LRP1B: variants seen among roughly 807,000 people sequenced by gnomAD.
LRP1B encodes low-density lipoprotein receptor-related protein 1B.
A neutral mutation model predicts 556.6 loss-of-function variants in LRP1B; 217 were observed. The ratio of observed to expected loss-of-function variants is 0.39; its 90% CI spans 0.35 to 0.44. The LOEUF (loss-of-function observed/expected upper bound fraction) is 0.44, where lower values mean the gene tolerates loss of function less well. LRP1B is among the 20% of genes least tolerant of loss of function. LRP1B has a pLI of 1.00. For missense variants in LRP1B, 5,053 were observed against 5,620.8 expected (o/e 0.90, Z 3.23); for synonymous variants, 2,047 against 1,865.8 (o/e 1.10, Z -2.50).
intron 3 of LRP1B, among the ~76,000 whole-genome samples, chr2:141,326,658 T>C (rs556182506): frequency 1.1e-4 from 16 of 152,248 alleles, no homozygotes; most frequent in African/African-American, 3.4e-4. Context: ...GGAATACTCC[T>C]CTCATGTAGT....
At chr2:141,235,936 T>C (rs1342635071) in intron 5 of LRP1B, among the ~76,000 whole-genome samples, 2 of 152,152 alleles carry the variant, frequency 1.3e-5, no homozygotes, top group Admixed American at 6.6e-5. Context: ...AATGTCAAGA[T>C]GATGAACTTA....
At chr2:141,147,265 T>C (rs1456856329) in intron 7 of LRP1B, among the ~76,000 whole-genome samples, 2 of 152,140 alleles carry the variant, frequency 1.3e-5, no homozygotes, top group Non-Finnish European at 2.9e-5. Context: ...TCAACATCCT[T>C]TACTGGCTCC....
chr2:140,347,516 T>C (rs1165673314), intron 77 of LRP1B, among the ~76,000 whole-genome samples: 1 of 151,842 alleles, frequency 6.6e-6, no homozygotes, highest in Non-Finnish European at 1.5e-5. Flanking sequence ...TTTTAGAATG[T>C]ACTTCATTTA....
intron 3 of LRP1B, among the ~76,000 whole-genome samples, chr2:141,341,113 C>A (rs1166242150): frequency 6.6e-6 from 1 of 152,128 alleles, no homozygotes; most frequent in Non-Finnish European, 1.5e-5. Context: ...CCATAGCTGT[C>A]ACTATGCATT....
intron 41 of LRP1B, among the ~76,000 whole-genome samples, chr2:140,678,833 A>G (rs1685764618): frequency 6.7e-6 from 1 of 148,858 alleles, no homozygotes; most frequent in Non-Finnish European, 1.5e-5. Context: ...GCTGGAGTGC[A>G]ATGGCATAGT....
chr2:140,291,318 A>ATATATATATATATATTTTTTT (rs369391920), intron 84 of LRP1B, among the ~76,000 whole-genome samples: 2 of 109,334 alleles, frequency 1.8e-5, no homozygotes, highest in East Asian at 2.7e-4. Context: ...ATATATATAT[A>ATATATATATATATATTTTTTT]TTTTTATTAT....
intron 23 of LRP1B, chr2:140,898,735 G>GT: frequency 1.8e-6 from 1 of 557,386 alleles, no homozygotes. Flanking sequence ...TCTACCTTTG[G>GT]GCAACTCTCT....
chr2:141,582,031 C>T (rs745751676), intron 2 of LRP1B, among the ~76,000 whole-genome samples: 3 of 152,070 alleles, frequency 2.0e-5, no homozygotes, highest in East Asian at 1.9e-4. Flanking sequence ...AATATATGAA[C>T]GACCTTCATT....
Position 141,811,914 on chromosome 2 carries a change from T to TA in LRP1B, c.83-1514dup, listed in dbSNP as rs201810341. Reference sequence around the variant, plus strand: ...ACAGGAAGAGACAGGCTGAGACAAATAAAAAAATAGTTTTGGGATGTCTGT... The same window carrying TA: ...ACAGGAAGAGACAGGCTGAGACAAATAAAAAAAATAGTTTTGGGATGTCTGT... On this transcript the variant is annotated intron_variant, in intron 1 of 90. Transcript: ENST00000389484. Among the ~76,000 whole-genome samples the TA allele has an allele frequency of 3.2e-3, 481 of 152,130 alleles. 3 individuals are homozygous for TA. The highest frequency in any genetic ancestry group is 0.011 in the African/African-American group (454 of 41,540).
chr2:140,852,134 T>C (rs1692478247), intron 27 of LRP1B, among the ~76,000 whole-genome samples: 1 of 152,150 alleles, frequency 6.6e-6, no homozygotes, highest in Admixed American at 6.5e-5. Context: ...GGGACCATCC[T>C]GGCTAACACC....
intron 32 of LRP1B, among the ~76,000 whole-genome samples, chr2:140,786,287 T>C (rs989352455): frequency 1.3e-5 from 2 of 152,102 alleles, no homozygotes; most frequent in Non-Finnish European, 2.9e-5. Context: ...TGGAAGAAAA[T>C]AACTAAAGGC....
chr2:140,608,565 T>C (rs1030541620), intron 41 of LRP1B, among the ~76,000 whole-genome samples: 5 of 152,204 alleles, frequency 3.3e-5, no homozygotes, highest in African/African-American at 1.2e-4. Context: ...TTTTCCCAAA[T>C]CAAACATGTT....
intron 1 of LRP1B, among the ~76,000 whole-genome samples, chr2:142,128,834 A>G (rs1258098988): frequency 1.3e-5 from 2 of 152,220 alleles, no homozygotes; most frequent in African/African-American, 4.8e-5. Flanking sequence ...GGCACCAAAT[A>G]TAATCCTCTT....
chr2:141,519,289 A>G (rs1234050049), intron 2 of LRP1B, among the ~76,000 whole-genome samples: 11 of 149,356 alleles, frequency 7.4e-5, no homozygotes, highest in African/African-American at 2.5e-4. Context: ...ACAGCTCCTC[A>G]ATGTTAAATA....
In LRP1B at chr2:141,948,318, T is replaced by A. The variant is rs771759098; in HGVS notation, c.83-137917A>T. ...CATTTTAAAATAAATAAATAAATAA[T>A]TAATTATAATAAATGGAAATTTTTA... is the stretch of plus-strand genomic sequence containing the variant. On this transcript the variant is annotated intron_variant, in intron 1 of 90. Transcript: ENST00000389484. 7.3e-5 allele frequency among the ~76,000 whole-genome samples: 11 copies of A among 151,698 alleles called. 1 individual carries two copies. Among genetic ancestry groups the A allele is most frequent in the Middle Eastern group, 3.4e-3 (1 of 292 alleles).
At chr2:141,150,957 ATATT>A (rs1701909333) in intron 7 of LRP1B, among the ~76,000 whole-genome samples, 1 of 151,454 alleles carries the variant, frequency 6.6e-6, no homozygotes, top group Admixed American at 6.6e-5. Context: ...AGGGTAACAA[ATATT>A]TATATGTCAT....
At chr2:142,045,110 G>C (rs530271745) in intron 1 of LRP1B, among the ~76,000 whole-genome samples, 1 of 147,000 alleles carries the variant, frequency 6.8e-6, no homozygotes, top group African/African-American at 2.5e-5. Context: ...ATGCAAATAC[G>C]CATTTTCTAC....
chr2:141,666,793 A>G (rs186390374), intron 2 of LRP1B, among the ~76,000 whole-genome samples: 64 of 152,336 alleles, frequency 4.2e-4, no homozygotes, highest in Admixed American at 1.2e-3. Context: ...CGTCTCCAGC[A>G]GGACAAACTC....
chr2:140,526,127 G>T, intron 48 of LRP1B, 110 bp downstream of exon 48: 1 of 1,348,372 alleles, frequency 7.4e-7, no homozygotes, highest in Non-Finnish European at 1.0e-6. Flanking sequence ...CACAACAGGG[G>T]TTAATTACAT....
Sources: allele counts gnomAD v4.1 joint callset (sites outside exome capture counted in the v4.1 genomes callset), GRCh38; gene constraint gnomAD v4.1.1; transcripts MANE v1.5; gene names NCBI Gene and HGNC (gene_info 2026-07-23, HGNC 2026-07-21).